TTLL5: variants seen among roughly 807,000 people sequenced by gnomAD.
The protein encoded by TTLL5 is tubulin polyglutamylase TTLL5.
In TTLL5, 132 loss-of-function variants were observed where a neutral mutation model predicts 168.4. The ratio of observed to expected loss-of-function variants is 0.78; its 90% CI spans 0.68 to 0.91. TTLL5 has a LOEUF of 0.91. Among genes scored for constraint, TTLL5 ranks in the 40% least tolerant of loss-of-function variants. TTLL5 has a pLI of 0.00. For synonymous variants in TTLL5, 546 were observed against 558.6 expected, an observed-to-expected ratio of 0.98 and a Z score of 0.32; for missense variants, 1,545 against 1,581.5, an observed-to-expected ratio of 0.98 and a Z score of 0.39.
At chr14:75,924,347 G>A (rs940860474) in intron 31 of TTLL5, among the ~76,000 whole-genome samples, 4 of 151,544 alleles carry the variant, frequency 2.6e-5, no homozygotes, top group Admixed American at 2.6e-4. Context: ...AGTTGGCAGG[G>A]TCATAGGACA....
At chr14:75,763,249 CTCTCTCTG>C in intron 18 of TTLL5, among the ~76,000 whole-genome samples, 1 of 17,622 alleles carries the variant, frequency 5.7e-5, no homozygotes, top group African/African-American at 1.4e-4. Context: ...TTCTATAGCT[CTCTCTCTG>C]TGTGTGTGTG....
chr14:75,925,092 A>AC (rs1371349464), intron 31 of TTLL5, among the ~76,000 whole-genome samples: 7 of 124,898 alleles, frequency 5.6e-5, no homozygotes, highest in African/African-American at 1.6e-4. Context: ...CGGGGGGCTG[A>AC]CCCCCCAACC....
At chr14:75,809,293 G>A (rs1323220087) in intron 27 of TTLL5, among the ~76,000 whole-genome samples, 1 of 152,142 alleles carries the variant, frequency 6.6e-6, no homozygotes, top group Non-Finnish European at 1.5e-5. Context: ...TCCCCTGAAA[G>A]TGTTTAGGTA....
chr14:75,874,933 C>CCCTTT (rs778792332), intron 29 of TTLL5, among the ~76,000 whole-genome samples: 1 of 97,538 alleles, frequency 1.0e-5, no homozygotes. Context: ...CACTGGGGGC[C>CCCTTT]TTTTTTTTTT....
chr14:75,719,497 C>G (rs897674373), intron 10 of TTLL5, among the ~76,000 whole-genome samples: 3 of 152,078 alleles, frequency 2.0e-5, no homozygotes, highest in Non-Finnish European at 4.4e-5. Context: ...AAGAATTTGC[C>G]GCCTTCTTCC....
intron 17 of TTLL5, among the ~76,000 whole-genome samples, chr14:75,747,553 C>CAGGCACTTA (rs1889688668): frequency 6.9e-6 from 1 of 145,932 alleles, no homozygotes; most frequent in Non-Finnish European, 1.5e-5. Flanking sequence ...TTTTTTTGGT[C>CAGGCACTTA]AGGCACTTAA....
At chr14:75,731,374 TACACACACACACACACACACACAC>T (rs3031047) in intron 12 of TTLL5, among the ~76,000 whole-genome samples, 12 of 139,332 alleles carry the variant, frequency 8.6e-5, no homozygotes, top group East Asian at 4.2e-4. Flanking sequence ...TACACATACA[TACACACACACACACACACACACAC>T]ACACACACAC....
rs192035942 is a variant in TTLL5 at position 75,921,982 on chromosome 14, G to C, written c.3823+19758G>C. On this transcript the variant is annotated intron_variant, in intron 31 of 31. Coordinates refer to ENST00000298832, the MANE Select transcript of TTLL5 (RefSeq NM_015072.5). Reference sequence around the variant, plus strand: ...CATTCCTAGGTATTTTATTCTCTTTGTAGCAATTGTGAATGGGAGTTCGCT... The same window carrying C: ...CATTCCTAGGTATTTTATTCTCTTTCTAGCAATTGTGAATGGGAGTTCGCT... 4.3e-3 allele frequency among the ~76,000 whole-genome samples: 654 copies of C among 152,212 alleles called. 1 individual carries two copies. The highest frequency in any genetic ancestry group is 7.8e-3 in the Non-Finnish European group (532 of 68,008).
chr14:75,812,633 C>T (rs1477220313), intron 27 of TTLL5, among the ~76,000 whole-genome samples: 1 of 152,128 alleles, frequency 6.6e-6, no homozygotes, highest in African/African-American at 2.4e-5. Flanking sequence ...TCTCATTCCC[C>T]TTTGTTGTTT....
At chr14:75,784,049 T>C (rs1892223321) in intron 26 of TTLL5, among the ~76,000 whole-genome samples, 1 of 152,224 alleles carries the variant, frequency 6.6e-6, no homozygotes, top group African/African-American at 2.4e-5. Context: ...ATTCACCCTT[T>C]TAAAATGTAC....
intron 28 of TTLL5, among the ~76,000 whole-genome samples, chr14:75,822,883 C>T (rs1202514604): frequency 6.6e-6 from 1 of 152,148 alleles, no homozygotes; most frequent in Admixed American, 6.5e-5. Context: ...GCAAAGAGCC[C>T]ACGACTTGCC....
intron 15 of TTLL5, chr14:75,744,650 T>C (rs181194439): frequency 1.3e-5 from 2 of 153,600 alleles, no homozygotes; most frequent in African/African-American, 4.8e-5. Flanking sequence ...TGTTCCTTGG[T>C]TTTGTGTCTT....
chr14:75,681,107 G>A (rs1884577766), intron 3 of TTLL5, among the ~76,000 whole-genome samples: 1 of 151,874 alleles, frequency 6.6e-6, no homozygotes, highest in Non-Finnish European at 1.5e-5. Context: ...TGTGACATGT[G>A]CTTTTTTATT....
At position 75,783,010 on chromosome 14, in the gene TTLL5, T is replaced by C. The variant is rs139128392; in HGVS notation, c.2603-137T>C. On this transcript the variant is annotated intron_variant, in intron 25 of 31. Transcript: ENST00000298832. ...TCATTAAGTTTATGATGAACACTCATTAAAGTCTGTATTTTTCATGATTTC... is the reference window on the plus strand; with the variant it reads ...TCATTAAGTTTATGATGAACACTCACTAAAGTCTGTATTTTTCATGATTTC... 5.4e-5 allele frequency: 56 copies of C among 1,041,478 alleles called. No individual in the cohort carries two copies. The East Asian group carries it at 7.3e-4, about 14-fold the overall frequency. 64.5% of individuals were successfully genotyped at this position (1,041,478 alleles called of 1,614,324 possible). A position where few individuals can be genotyped will look rare whatever the true frequency, so the allele number is the denominator to read the frequency against.
At chr14:75,749,272 A>G in intron 17 of TTLL5, among the ~76,000 whole-genome samples, 1 of 152,144 alleles carries the variant, frequency 6.6e-6, no homozygotes, top group South Asian at 2.1e-4. Flanking sequence ...TACTTTGAGT[A>G]TCTTTTTCTA....
chr14:75,808,945 T>C (rs1048750794), intron 27 of TTLL5, among the ~76,000 whole-genome samples: 2 of 151,770 alleles, frequency 1.3e-5, no homozygotes, highest in African/African-American at 4.8e-5. Context: ...GATTTTGATA[T>C]AGCTATACAT....
chr14:75,865,294 A>G (rs1287547376), intron 29 of TTLL5, among the ~76,000 whole-genome samples: 1 of 151,614 alleles, frequency 6.6e-6, no homozygotes, highest in Non-Finnish European at 1.5e-5. Context: ...GTGTTCTTAA[A>G]TTTCTTAAAG....
intron 28 of TTLL5, among the ~76,000 whole-genome samples, chr14:75,840,294 G>A (rs1281515950): frequency 6.6e-6 from 1 of 152,078 alleles, no homozygotes; most frequent in Non-Finnish European, 1.5e-5. Context: ...TTGTTATGTA[G>A]GTATACATGT....
At chr14:75,739,472 A>G (rs1006899347) in intron 15 of TTLL5, among the ~76,000 whole-genome samples, 10 of 152,008 alleles carry the variant, frequency 6.6e-5, no homozygotes, top group African/African-American at 2.4e-4. Context: ...TTGCTGTCAG[A>G]TTGTGAATTC....
Sources: gnomAD v4.1 joint callset for allele counts (sites outside exome capture counted in the v4.1 genomes callset) on GRCh38, gnomAD v4.1.1 for gene constraint, MANE v1.5 for transcripts, NCBI Gene and HGNC (gene_info 2026-07-23, HGNC 2026-07-21) for gene names.